CDH9: variants seen among roughly 807,000 people sequenced by gnomAD.
The protein encoded by CDH9 is cadherin 9.
A neutral mutation model predicts 70.9 loss-of-function variants in CDH9; 28 were observed. That is an observed-to-expected ratio of 0.40 (90% CI 0.29 to 0.54). The LOEUF (loss-of-function observed/expected upper bound fraction) is 0.54, where lower values mean the gene tolerates loss of function less well. Ranked by LOEUF, CDH9 falls within the 20% of genes least tolerant of loss-of-function variation. CDH9 has a pLI of 0.59. For synonymous variants in CDH9, 409 were observed against 343.1 expected, an observed-to-expected ratio of 1.19 and a Z score of -2.12; for missense variants, 874 against 984.4, an observed-to-expected ratio of 0.89 and a Z score of 1.50.
intron 2 of CDH9, among the ~76,000 whole-genome samples, chr5:26,977,563 G>A (rs1380694014): frequency 6.6e-6 from 1 of 151,094 alleles, no homozygotes; most frequent in Non-Finnish European, 1.5e-5. Context: ...CAAGCAAATA[G>A]AGGATAAAAA....
At chr5:26,915,509 G>A (rs769858819) in intron 3 of CDH9, 121 bp downstream of exon 3, 8 of 616,146 alleles carry the variant, frequency 1.3e-5, no homozygotes, top group Admixed American at 8.2e-5. Context: ...AAGCTAAATA[G>A]TAGTTAACAG....
Position 26,890,451 on chromosome 5 carries a change from A to C in CDH9, c.1367T>G (p.Ile456Ser). ...LDRESSPWHN[I>S]TVTATEINNP... ...ACTTATTTCTGTGGCTGTAACAGTG[A>C]TGTTATGCCAAGGAGATGATTCCCG... Residue 456 changes from isoleucine to serine, a missense_variant, in exon 8 of 12, where the codon ATC (isoleucine) becomes AGC (serine). Coordinates refer to ENST00000231021, the MANE Select transcript of CDH9 (RefSeq NM_016279.4). The C allele has an allele frequency of 6.2e-7, 1 of 1,613,596 alleles. No homozygotes were observed. The highest frequency in any genetic ancestry group is 8.5e-7 in the Non-Finnish European group (1 of 1,179,582).
chr5:26,908,841 T>C (rs947436649), intron 3 of CDH9, among the ~76,000 whole-genome samples: 1 of 152,178 alleles, frequency 6.6e-6, no homozygotes. Flanking sequence ...CAAAATATCA[T>C]TGATATGTTA....
chr5:26,961,382 C>T (rs544822229), intron 2 of CDH9, among the ~76,000 whole-genome samples: 1 of 152,082 alleles, frequency 6.6e-6, no homozygotes, highest in African/African-American at 2.4e-5. Context: ...ATTTTGTATT[C>T]TTGGGCCAAC....
At chr5:26,920,941 T>G (rs1487336218) in intron 2 of CDH9, among the ~76,000 whole-genome samples, 1 of 152,144 alleles carries the variant, frequency 6.6e-6, no homozygotes, top group Admixed American at 6.5e-5. Context: ...TATCAAACTC[T>G]TTAATGCTTT....
At chr5:27,025,492 G>A (rs559617151) in intron 1 of CDH9, among the ~76,000 whole-genome samples, 14 of 152,002 alleles carry the variant, frequency 9.2e-5, no homozygotes, top group African/African-American at 3.4e-4. Context: ...ATCATCAAAA[G>A]AATAAGTCAA....
chr5:26,907,945 T>G (rs900925473), intron 3 of CDH9, among the ~76,000 whole-genome samples: 1 of 152,184 alleles, frequency 6.6e-6, no homozygotes, highest in Non-Finnish European at 1.5e-5. Flanking sequence ...TTATGGTGGA[T>G]GTTTCTCAAA....
chr5:27,022,669 T>C (rs532275761), intron 1 of CDH9, among the ~76,000 whole-genome samples: 50 of 152,256 alleles, frequency 3.3e-4, no homozygotes, highest in African/African-American at 1.1e-3. Context: ...CAGAGTGTTC[T>C]GCAGACAGGG....
intron 2 of CDH9, among the ~76,000 whole-genome samples, chr5:26,986,069 A>AG (rs1424464393): frequency 2.0e-5 from 3 of 151,894 alleles, no homozygotes; most frequent in Non-Finnish European, 4.4e-5. Context: ...CCTATTAAAA[A>AG]AAAGAAAGAG....
chr5:27,031,475 T>G (rs935872095), intron 1 of CDH9, among the ~76,000 whole-genome samples: 1 of 151,930 alleles, frequency 6.6e-6, no homozygotes, highest in African/African-American at 2.4e-5. Context: ...CAATTTATGG[T>G]CATTGCAATA....
intron 1 of CDH9, among the ~76,000 whole-genome samples, chr5:27,005,173 T>A (rs1742839784): frequency 6.6e-6 from 1 of 152,142 alleles, no homozygotes; most frequent in Non-Finnish European, 1.5e-5. Context: ...CATTCAATTC[T>A]TTTTCAAATT....
intron 1 of CDH9, among the ~76,000 whole-genome samples, chr5:27,025,395 G>A (rs995805329): frequency 6.6e-6 from 1 of 152,002 alleles, no homozygotes; most frequent in Non-Finnish European, 1.5e-5. Context: ...GAAAATAACT[G>A]GAGACCAATC....
chr5:26,993,801 T>C (rs1742621619), intron 1 of CDH9, among the ~76,000 whole-genome samples: 1 of 151,650 alleles, frequency 6.6e-6, no homozygotes, highest in Admixed American at 6.6e-5. Flanking sequence ...GGAGGGACTA[T>C]TGCCTCACTT....
At chr5:26,903,863 T>C (rs895408220) in intron 5 of CDH9, 39 bp from the exon 6 acceptor site, 9 of 1,110,404 alleles carry the variant, frequency 8.1e-6, no homozygotes, top group Middle Eastern at 2.0e-4. Context: ...ATTTCATCTT[T>C]ATATAACATT....
chr5:26,940,957 G>A (rs1051708587), intron 2 of CDH9, among the ~76,000 whole-genome samples: 1 of 152,214 alleles, frequency 6.6e-6, no homozygotes, highest in Non-Finnish European at 1.5e-5. Context: ...GGCTGAAGCC[G>A]ATGTAATAGA....
Position 27,034,994 on chromosome 5 carries a change from AATTC to A in CDH9, c.-50+3465_-50+3468del, listed in dbSNP as rs1743367886. Reference sequence around the variant, plus strand: ...TTTTAGATTATTTATAACAATCCAGAATTCATTGTTTTCAATAATCTATACAACT... The same window carrying A: ...TTTTAGATTATTTATAACAATCCAGAATTGTTTTCAATAATCTATACAACT... On this transcript the variant is annotated intron_variant, in intron 1 of 11. Coordinates refer to ENST00000231021, the MANE Select transcript of CDH9 (RefSeq NM_016279.4). Among the ~76,000 whole-genome samples, 4 of 151,300 alleles carry A rather than the reference AATTC, an allele frequency of 2.6e-5. No individual in the cohort carries two copies. The South Asian group carries it at 8.3e-4, about 31-fold the overall frequency.
intron 2 of CDH9, among the ~76,000 whole-genome samples, chr5:26,971,587 C>T (rs552618939): frequency 6.6e-6 from 1 of 152,158 alleles, no homozygotes; most frequent in East Asian, 1.9e-4. Flanking sequence ...GTAGGATTTG[C>T]TTTAGGATAT....
intron 1 of CDH9, among the ~76,000 whole-genome samples, chr5:27,017,918 GTTTT>G (rs34168195): frequency 6.6e-6 from 1 of 151,298 alleles, no homozygotes; most frequent in Non-Finnish European, 1.5e-5. Flanking sequence ...AGTATACATT[GTTTT>G]TTTATTTTCT....
At position 26,883,044 on chromosome 5, in the gene CDH9, T is replaced by TAG. The variant is rs1561181128; in HGVS notation, c.1883-1422_1883-1421insCT. Among the ~76,000 whole-genome samples, 12 of 28,146 alleles carry TAG rather than the reference T, an allele frequency of 4.3e-4. No homozygotes were observed. In the East Asian group the frequency reaches 7.0e-3, roughly 16 times the overall value. The allele number at this position is 28,146 out of a possible 152,430, so 18.5% of individuals were successfully genotyped here. A position where few individuals can be genotyped will look rare whatever the true frequency, so the allele number is the denominator to read the frequency against. On this transcript the variant is annotated intron_variant, in intron 11 of 11. Coordinates refer to ENST00000231021, the MANE Select transcript of CDH9 (RefSeq NM_016279.4). ...CTGAGCTATATTCAGGATCATCTTA[T>TAG]ATATATATATATATATATATATATA...
Sources: allele counts gnomAD v4.1 joint callset (sites outside exome capture counted in the v4.1 genomes callset), GRCh38; gene constraint gnomAD v4.1.1; transcripts MANE v1.5; gene names NCBI Gene and HGNC (gene_info 2026-07-23, HGNC 2026-07-21).